Variants in RBM10 observed in about 807,000 individuals in gnomAD.
The protein encoded by RBM10 is RNA-binding protein 10.
RBM10 carries 1 observed loss-of-function variant against 84.9 expected under a neutral mutation model. That is an observed-to-expected ratio of 0.01 (90% CI 0.00 to 0.06). The LOEUF is 0.06. RBM10 is among the 10% of genes least tolerant of loss of function. The probability of loss-of-function intolerance (pLI) is 1.00; values close to 1 mark genes in which losing one functional copy is unlikely to be tolerated. For synonymous variants in RBM10, 326 were observed against 344.5 expected (o/e 0.95, Z 0.60); for missense variants, 438 against 839.0 (o/e 0.52, Z 5.90).
Position 47,150,496 on chromosome X carries a change from A to T in RBM10, c.17+2998A>T, listed in dbSNP as rs782005088. Reference sequence around the variant, plus strand: ...TGTAGTTTTTACCTTTTGCATTCAGATCTTTAATCCATCTAGATTCCACTC... The same window carrying T: ...TGTAGTTTTTACCTTTTGCATTCAGTTCTTTAATCCATCTAGATTCCACTC... On this transcript the variant is annotated intron_variant, in intron 2 of 23. Coordinates refer to ENST00000377604, the MANE Select transcript of RBM10 (RefSeq NM_005676.5). 3.4e-4 allele frequency among the ~76,000 whole-genome samples: 38 copies of T among 112,106 alleles called. 1 individual carries two copies. Among genetic ancestry groups the T allele is most frequent in the African/African-American group, 1.2e-3 (38 of 30,894 alleles).
At chrX:47,178,041 C>T (rs782375314) in intron 7 of RBM10, among the ~76,000 whole-genome samples, 3 of 111,340 alleles carry the variant, frequency 2.7e-5, no homozygotes, top group Admixed American at 1.9e-4. Context: ...TCATGCCAAT[C>T]GTCACGCTCT....
At chrX:47,166,049 G>T (rs1556768883) in intron 2 of RBM10, among the ~76,000 whole-genome samples, 9 of 110,452 alleles carry the variant, frequency 8.1e-5, no homozygotes, top group Non-Finnish European at 1.3e-4. Context: ...ATGGTTAAAT[G>T]GTAAATGTAT....
At chrX:47,173,924 TC>T (rs1556774884) in intron 5 of RBM10, among the ~76,000 whole-genome samples, 6 of 98,941 alleles carry the variant, frequency 6.1e-5, no homozygotes, top group Admixed American at 1.1e-4. Context: ...TCTCTCTCTC[TC>T]TCTCTCTCTT....
At chrX:47,178,684 G>C (rs1270686961) in intron 7 of RBM10, among the ~76,000 whole-genome samples, 7 of 112,163 alleles carry the variant, frequency 6.2e-5, no homozygotes, top group African/African-American at 2.3e-4. Flanking sequence ...CTAAGAGGAG[G>C]GGTGCGGGTC....
rs944149340 is a variant in RBM10, at chrX:47,158,210, G to A, written c.17+10712G>A. The A allele has an allele frequency of 2.9e-5, 6 of 204,776 alleles. No homozygotes were observed. In the South Asian group the frequency reaches 3.2e-4, roughly 11 times the overall value. The allele number at this position is 204,776 out of a possible 1,213,427, so 16.9% of individuals were successfully genotyped here. On this transcript the variant is annotated intron_variant, in intron 2 of 23. Coordinates refer to ENST00000377604, the MANE Select transcript of RBM10 (RefSeq NM_005676.5). ...CATAAAGGTCTATATCTTCCTCCTC[G>A]GGCAAGGAGCCTGGGTCCTGAGGAA...
Position 47,145,488 on chromosome X carries a change from G to A in RBM10, c.-126+3G>A, listed in dbSNP as rs1556761639. 2 of 1,153,819 alleles carry A rather than the reference G, an allele frequency of 1.7e-6. No homozygotes were observed. The highest frequency in any genetic ancestry group is 1.1e-6 in the Non-Finnish European group (1 of 871,864). On this transcript the variant is annotated splice_donor_region_variant and intron_variant, in intron 1 of 23. Coordinates refer to ENST00000377604, the MANE Select transcript of RBM10 (RefSeq NM_005676.5). ...CCTTGACAGCCCGGGCCGAGAAGGTGAGCGTCGACGCTGGTCGTGGGGGCG... is the reference window on the plus strand; with the variant it reads ...CCTTGACAGCCCGGGCCGAGAAGGTAAGCGTCGACGCTGGTCGTGGGGGCG...
intron 23 of RBM10, 34 bp from the exon 24 acceptor site, chrX:47,186,440 C>A (rs374026093): frequency 2.5e-5 from 30 of 1,201,489 alleles, no homozygotes; most frequent in Non-Finnish European, 3.3e-5. Flanking sequence ...CAGCATCCCC[C>A]ACCAGCCTGA....
At chrX:47,153,046 A>G (rs971228805) in intron 2 of RBM10, among the ~76,000 whole-genome samples, 2 of 110,322 alleles carry the variant, frequency 1.8e-5, no homozygotes, top group Non-Finnish European at 3.8e-5. Context: ...GGATTTTTCC[A>G]TGTTGATCAG....
intron 10 of RBM10, 60 bp from the exon 11 acceptor site, chrX:47,180,152 A>G (rs1935415335): frequency 5.1e-6 from 6 of 1,177,231 alleles, no homozygotes; most frequent in South Asian, 3.6e-5. Context: ...AAATCGGGCA[A>G]TGGAGCCGGG....
At chrX:47,177,621 C>CT (rs371789227) in intron 7 of RBM10, among the ~76,000 whole-genome samples, 3,189 of 101,688 alleles carry the variant, frequency 0.031, 56 homozygotes, top group Non-Finnish European at 0.047. Context: ...AGGGAATTCT[C>CT]TTTTTTTTTT....
intron 10 of RBM10, 86 bp downstream of exon 10, chrX:47,180,126 G>A (rs927624215): frequency 3.0e-5 from 36 of 1,184,276 alleles, no homozygotes; most frequent in Admixed American, 1.6e-4. Flanking sequence ...GCCTCCCACC[G>A]CGGCTGCCAG....
intron 1 of RBM10, 55 bp downstream of exon 1, chrX:47,145,540 T>C: frequency 9.0e-7 from 1 of 1,111,101 alleles, no homozygotes; most frequent in Non-Finnish European, 1.2e-6. Flanking sequence ...GGCGGGGACG[T>C]AGAGGAGGCG....
chrX:47,160,600 AC>A (rs1319750873), intron 2 of RBM10, among the ~76,000 whole-genome samples: 1 of 111,338 alleles, frequency 9.0e-6, no homozygotes, highest in African/African-American at 3.3e-5. Flanking sequence ...AAAAAAAAAA[AC>A]ATGTTAGTGA....
chrX:47,185,655 A>C (rs781805218), intron 20 of RBM10, 25 bp downstream of exon 20: 1 of 1,208,298 alleles, frequency 8.3e-7, no homozygotes, highest in East Asian at 3.0e-5. Flanking sequence ...TTGGCAGGGC[A>C]TGCTGGGGCC....
rs2147173443 is a variant in RBM10 at position 47,179,960 on chromosome X, T to C, written c.982T>C (p.Ser328Pro). 2 of 1,211,023 alleles carry C rather than the reference T, an allele frequency of 1.7e-6. No homozygotes were observed. Among genetic ancestry groups the C allele is most frequent in the Non-Finnish European group, 2.2e-6 (2 of 895,131 alleles). Residue 328 changes from serine (S) to proline (P), a missense_variant, in exon 10 of 24, where the codon TCC becomes CCC. Ser to Pro is a moderately conservative substitution (Grantham distance 74, BLOSUM62 -1). Around this residue, in one of 8 missense-constraint regions of RBM10, gnomAD observed 33 missense variants for 115.0 expected, o/e 0.29. Transcript: ENST00000377604. ...GALAPYAVLS[S>P]SNVRVIKDKQ... ...CCTGGCACCCTACGCGGTGCTGTCC[T>C]CCTCCAACGTGCGCGTCATAAAGGA...
intron 4 of RBM10, 46 bp from the exon 5 acceptor site, chrX:47,173,082 G>C (rs376777994): frequency 3.3e-6 from 4 of 1,209,685 alleles, no homozygotes; most frequent in Non-Finnish European, 1.1e-6. Context: ...GGTACCCAGC[G>C]GCCCCATTGT....
intron 18 of RBM10, 32 bp from the exon 19 acceptor site, chrX:47,185,270 A>G (rs2147212776): frequency 3.3e-6 from 4 of 1,211,091 alleles, no homozygotes; most frequent in South Asian, 3.5e-5. Context: ...CCCTCTGTGG[A>G]GTCCCTGAAT....
rs962890875 is a variant in RBM10, at chrX:47,179,975, G to A, written c.997G>A (p.Val333Ile). The change falls in exon 10 of 24, where the codon GTC (valine) becomes ATC (isoleucine). Residue 333 changes from valine (V) to isoleucine (I), a missense_variant. Val to Ile is a conservative substitution (Grantham distance 29). Around this residue, in one of 8 missense-constraint regions of RBM10, gnomAD observed 33 missense variants for 115.0 expected, o/e 0.29. Transcript: ENST00000377604. The part of the protein sequence containing the change: ...YAVLSSSNVR[V>I]IKDKQTQLNR... ...GGTGCTGTCCTCCTCCAACGTGCGCGTCATAAAGGACAAGCAGACCCAACT... is the reference window on the plus strand; with the variant it reads ...GGTGCTGTCCTCCTCCAACGTGCGCATCATAAAGGACAAGCAGACCCAACT... 8 of 1,211,641 alleles carry A rather than the reference G, an allele frequency of 6.6e-6. No homozygotes were observed. The highest frequency in any genetic ancestry group is 5.9e-5 in the East Asian group (2 of 33,828).
Position 47,186,275 on chromosome X carries a change from C to T in RBM10, c.2555C>T (p.Thr852Ile), listed in dbSNP as rs1435256967. The change falls in exon 23 of 24, where the codon ACT (threonine) becomes ATT (isoleucine). Residue 852 changes from threonine to isoleucine, a missense_variant. Coordinates refer to ENST00000377604, the MANE Select transcript of RBM10 (RefSeq NM_005676.5). ...STASVDFEQP[T>I]RDGLGSDNIG... ...CCCTGCAGAGACTTCGAGCAGCCTA[C>T]TCGGGACGGGCTGGGCAGTGACAAC... 1 of 1,208,422 alleles carries T rather than the reference C, an allele frequency of 8.3e-7. No homozygotes were observed. The highest frequency in any genetic ancestry group is 1.1e-6 in the Non-Finnish European group (1 of 893,780).
Sources: allele counts gnomAD v4.1 joint callset (sites outside exome capture counted in the v4.1 genomes callset), GRCh38; gene constraint gnomAD v4.1.1; regional missense constraint gnomAD v4.1.1; transcripts MANE v1.5; gene names NCBI Gene and HGNC (gene_info 2026-07-23, HGNC 2026-07-21).